The following CATSPERT variants were observed in gnomAD, a reference collection of about 807,000 sequenced individuals.
CATSPERT encodes the protein cation channel sperm-associated targeting subunit tau.
chr2:201,528,106 T>C, the CATSPERT span, among the ~76,000 whole-genome samples: 1 of 146,058 alleles, frequency 6.8e-6, no homozygotes, highest in Non-Finnish European at 1.5e-5. Flanking sequence ...GCAAAGGACA[T>C]GAACAGACAC....
chr2:201,595,759 C>G, the CATSPERT span, among the ~76,000 whole-genome samples: 202 of 152,188 alleles, frequency 1.3e-3, 1 homozygote, highest in African/African-American at 4.4e-3. Flanking sequence ...AGGGCACAGA[C>G]AAACGGATAC....
At chr2:201,516,224 A>T in the CATSPERT span, among the ~76,000 whole-genome samples, 1 of 152,352 alleles carries the variant, frequency 6.6e-6, no homozygotes, top group East Asian at 1.9e-4. Context: ...TTATGGTCTT[A>T]TGGTACTGCC....
chr2:201,548,134 T>G, the CATSPERT span, among the ~76,000 whole-genome samples: 3 of 152,092 alleles, frequency 2.0e-5, no homozygotes, highest in African/African-American at 7.2e-5. Context: ...ATGTGCCACG[T>G]TGGTTTGCTG....
chr2:201,602,733 C>T, the CATSPERT span, among the ~76,000 whole-genome samples: 1 of 152,102 alleles, frequency 6.6e-6, no homozygotes, highest in Non-Finnish European at 1.5e-5. Context: ...TCTATGATTA[C>T]ATTAACCAAT....
the CATSPERT span, among the ~76,000 whole-genome samples, chr2:201,574,753 G>A: frequency 6.6e-6 from 1 of 152,100 alleles, no homozygotes; most frequent in Non-Finnish European, 1.5e-5. Flanking sequence ...AAAGTCAAGT[G>A]TCCATCTTTC....
chr2:201,536,247 G>C, the CATSPERT span: 24 of 1,613,256 alleles, frequency 1.5e-5, 1 homozygote, highest in East Asian at 4.7e-4. Flanking sequence ...AGAAGCATCA[G>C]CAGTTGAATT....
At chr2:201,535,429 A>G in the CATSPERT span, 2 of 970,926 alleles carry the variant, frequency 2.1e-6, no homozygotes, top group Admixed American at 1.2e-4. Flanking sequence ...TGTACCTTTA[A>G]ATTCACACTC....
At chr2:201,544,821 CAAAAAAA>C in the CATSPERT span, among the ~76,000 whole-genome samples, 1 of 92,612 alleles carries the variant, frequency 1.1e-5, no homozygotes, top group Non-Finnish European at 2.2e-5. Context: ...CCTGTCTCTA[CAAAAAAA>C]AAAAAAAAAA....
At chr2:201,551,658 C>T in the CATSPERT span, among the ~76,000 whole-genome samples, 1 of 152,078 alleles carries the variant, frequency 6.6e-6, no homozygotes, top group African/African-American at 2.4e-5. Context: ...CTGCGTGAGA[C>T]GTCTCTCCAG....
At chr2:201,594,723 T>C in the CATSPERT span, among the ~76,000 whole-genome samples, 1 of 152,142 alleles carries the variant, frequency 6.6e-6, no homozygotes, top group Admixed American at 6.5e-5. Flanking sequence ...CTTCATTTCA[T>C]TCATTTCATC....
the CATSPERT span, among the ~76,000 whole-genome samples, chr2:201,538,457 G>A: frequency 1.3e-3 from 200 of 152,148 alleles, 1 homozygote; most frequent in African/African-American, 4.5e-3. Flanking sequence ...GCAACCTTGC[G>A]TTGAGCAAGA....
At chr2:201,615,981 C>T in the CATSPERT span, among the ~76,000 whole-genome samples, 5 of 152,196 alleles carry the variant, frequency 3.3e-5, no homozygotes, top group African/African-American at 1.2e-4. Flanking sequence ...TTCCTGGACA[C>T]ATACACCCTC....
the CATSPERT span, among the ~76,000 whole-genome samples, chr2:201,533,668 G>T: frequency 2.0e-5 from 3 of 152,166 alleles, no homozygotes; most frequent in African/African-American, 7.2e-5. Context: ...ATCTTGGGAG[G>T]CAAGTGAGTA....
chr2:201,527,562 C>T, the CATSPERT span, among the ~76,000 whole-genome samples: 1 of 152,074 alleles, frequency 6.6e-6, no homozygotes, highest in African/African-American at 2.4e-5. Context: ...AAAACAGACA[C>T]ATAGACCAAT....
chr2:201,582,235 TAAGAA>T, the CATSPERT span: 2 of 1,576,388 alleles, frequency 1.3e-6, no homozygotes. Flanking sequence ...TCAAAATATA[TAAGAA>T]AAGAAGCATT....
chr2:201,493,894 A>G, the CATSPERT span: 1 of 1,537,104 alleles, frequency 6.5e-7, no homozygotes, highest in Non-Finnish European at 8.7e-7. Context: ...ATGTTCTTCT[A>G]CCTCTGGAGA....
At chr2:201,575,267 C>A in the CATSPERT span, 1 of 1,568,146 alleles carries the variant, frequency 6.4e-7, no homozygotes, top group Non-Finnish European at 8.6e-7. Flanking sequence ...TAGGAAGTTT[C>A]AGTAAAGTCC....
At chr2:201,522,593 T>C in the CATSPERT span, among the ~76,000 whole-genome samples, 2 of 152,010 alleles carry the variant, frequency 1.3e-5, no homozygotes, top group African/African-American at 4.8e-5. Context: ...AGGTATAGAG[T>C]GGCCCACTCT....
At chr2:201,581,874 C>T in the CATSPERT span, among the ~76,000 whole-genome samples, 1 of 151,890 alleles carries the variant, frequency 6.6e-6, no homozygotes, top group South Asian at 2.1e-4. Context: ...TCCCAAAGTG[C>T]TGGGATTACA....
Sources: gnomAD v4.1 joint callset for allele counts (sites outside exome capture counted in the v4.1 genomes callset) on GRCh38, gnomAD v4.1.1 for gene constraint, MANE v1.5 for transcripts, NCBI Gene and HGNC (gene_info 2026-07-23, HGNC 2026-07-21) for gene names.